CCDC134: variants seen among roughly 807,000 people sequenced by gnomAD.
CCDC134 encodes the protein coiled-coil domain-containing protein 134.
In CCDC134, 27 loss-of-function variants were observed where a neutral mutation model predicts 25.6. That is an observed-to-expected ratio of 1.05 (90% CI 0.78 to 1.45). CCDC134 has a LOEUF of 1.45. CCDC134 is among the 40% of genes most tolerant of loss of function. The pLI is 0.00. For synonymous variants in CCDC134, 110 were observed against 115.0 expected, an observed-to-expected ratio of 0.96 and a Z score of 0.28; for missense variants, 261 against 286.7, an observed-to-expected ratio of 0.91 and a Z score of 0.65.
chr22:41,808,597 A>G (rs528436351), intron 1 of CCDC134, among the ~76,000 whole-genome samples: 39 of 152,330 alleles, frequency 2.6e-4, no homozygotes, highest in African/African-American at 9.1e-4. Context: ...GGGCGGGGGC[A>G]GGGCTCCAGC....
At chr22:41,810,745 C>T (rs1457485180) in intron 4 of CCDC134, among the ~76,000 whole-genome samples, 1 of 152,074 alleles carries the variant, frequency 6.6e-6, no homozygotes, top group African/African-American at 2.4e-5. Flanking sequence ...CCGCCCACCT[C>T]GGCCTCCCAA....
intron 6 of CCDC134, among the ~76,000 whole-genome samples, chr22:41,818,985 T>G (rs1378391317): frequency 6.6e-6 from 1 of 152,206 alleles, no homozygotes; most frequent in African/African-American, 2.4e-5. Flanking sequence ...GGTGCCAGGA[T>G]AAGTTGAGTC....
At position 41,808,980 on chromosome 22, in the gene CCDC134, A is replaced by C; in HGVS notation, c.90A>C (p.Pro30=). ...GCACCTTGAGGACCTCCCTGGACCC[A>C]AGCCTGGAGATCTGTATCCTTTGGG... is the stretch of plus-strand genomic sequence containing the variant. ...ATGTLRTSLD[P]SLEIYKKMFE... is the part of the protein sequence containing the mutation. Residue 30 remains proline (P), a synonymous_variant, in exon 2 of 7, where the codon CCA becomes CCC. Transcript: ENST00000255784. The C allele has an allele frequency of 6.2e-7, 1 of 1,613,534 alleles. No individual in the cohort carries two copies. Among genetic ancestry groups the C allele is most frequent in the Non-Finnish European group, 8.5e-7 (1 of 1,179,494 alleles).
rs188899906 is a variant in CCDC134, at chr22:41,822,833, G to T, written c.565-2865G>T. Among the ~76,000 whole-genome samples, 3 of 152,360 alleles carry T rather than the reference G, an allele frequency of 2.0e-5. No individual in the cohort carries two copies. The East Asian group carries it at 5.8e-4, about 29-fold the overall frequency. ...TGTGCAGCCTGCAAGGCTAGTCCTA[G>T]TTGGGCCTACCACATGCTATGTGAC... On this transcript the variant is annotated intron_variant, in intron 6 of 6. Coordinates refer to ENST00000255784, the MANE Select transcript of CCDC134 (RefSeq NM_024821.5).
Position 41,829,548 on chromosome 22 carries a change from T to C in CCDC134, c.*3725T>C, listed in dbSNP as rs748876813. Among the ~76,000 whole-genome samples, 3 of 152,130 alleles carry C rather than the reference T, an allele frequency of 2.0e-5. No homozygotes were observed. The highest frequency in any genetic ancestry group is 4.4e-5 in the Non-Finnish European group (3 of 68,034). On this transcript the variant is annotated 3_prime_UTR_variant, in exon 7 of 7. Transcript: ENST00000255784. ...GAGTACATGCTTTTGGTTAATCCAA[T>C]TGGAAGGCTTCCTAGAGGAAGTAAT... is the stretch of plus-strand genomic sequence containing the variant.
intron 6 of CCDC134, among the ~76,000 whole-genome samples, chr22:41,818,429 G>A (rs895727815): frequency 2.0e-5 from 3 of 152,224 alleles, no homozygotes; most frequent in Admixed American, 1.3e-4. Context: ...AGCAGTTAAG[G>A]TGGTGGGGAC....
Position 41,826,922 on chromosome 22 carries a change from C to T in CCDC134, c.*1099C>T, listed in dbSNP as rs977015120. On this transcript the variant is annotated 3_prime_UTR_variant, in exon 7 of 7. Transcript: ENST00000255784. ...CAGAGAAAACCATCCCAGATCCCCT[C>T]GACACCCAGCCCCCTACCACTGACA... is the stretch of plus-strand genomic sequence containing the variant. Among the ~76,000 whole-genome samples the T allele has an allele frequency of 2.0e-5, 3 of 152,228 alleles. No individual in the cohort carries two copies. The highest frequency in any genetic ancestry group is 2.1e-4 in the South Asian group (1 of 4,834).
At position 41,828,090 on chromosome 22, in the gene CCDC134, T is replaced by A. The variant is rs2076688089; in HGVS notation, c.*2267T>A. Among the ~76,000 whole-genome samples, 1 of 152,230 alleles carries A rather than the reference T, an allele frequency of 6.6e-6. No individual in the cohort carries two copies. Among genetic ancestry groups the A allele is most frequent in the African/African-American group, 2.4e-5 (1 of 41,454 alleles). Reference sequence around the variant, plus strand: ...CTGGAGGTTCTTTCTACTGAATAACTTCTACGGGCTCTGTCATTAGCAGGA... The same window carrying A: ...CTGGAGGTTCTTTCTACTGAATAACATCTACGGGCTCTGTCATTAGCAGGA... On this transcript the variant is annotated 3_prime_UTR_variant, in exon 7 of 7. Transcript: ENST00000255784.
rs1374244969 is a variant in CCDC134 at position 41,813,756 on chromosome 22, C to A, written c.498C>A (p.Ala166=). The A allele has an allele frequency of 9.9e-6, 16 of 1,614,098 alleles. No individual in the cohort carries two copies. Among genetic ancestry groups the A allele is most frequent in the Non-Finnish European group, 1.4e-5 (16 of 1,179,932 alleles). ...TAGTGTTTCTTCATCTGCAGATGGCCCAGGAGCTGGGGATCAGTGAGAAAG... is the reference window on the plus strand; with the variant it reads ...TAGTGTTTCTTCATCTGCAGATGGCACAGGAGCTGGGGATCAGTGAGAAAG... ...GPHSPILSLM[A]QELGISEKDS... is the part of the protein sequence containing the mutation. The change falls in exon 6 of 7, where the codon GCC becomes GCA. Residue 166 remains alanine, a synonymous_variant. Transcript: ENST00000255784.
rs1357711971 is a variant in CCDC134, at chr22:41,827,447, T to C, written c.*1624T>C. Among the ~76,000 whole-genome samples the C allele has an allele frequency of 6.6e-6, 1 of 152,104 alleles. No homozygotes were observed. The highest frequency in any genetic ancestry group is 1.9e-4 in the East Asian group (1 of 5,198). ...GAGGGTGTCCAGGTTCTTGATGTCTTGAACAAAGAATTGGGCAAAATGCAC... is the reference window on the plus strand; with the variant it reads ...GAGGGTGTCCAGGTTCTTGATGTCTCGAACAAAGAATTGGGCAAAATGCAC... On this transcript the variant is annotated 3_prime_UTR_variant, in exon 7 of 7. Transcript: ENST00000255784.
At chr22:41,817,862 C>A (rs980897250) in intron 6 of CCDC134, among the ~76,000 whole-genome samples, 1 of 152,144 alleles carries the variant, frequency 6.6e-6, no homozygotes, top group African/African-American at 2.4e-5. Context: ...ACATGCATGG[C>A]TGTTAGGAAG....
At chr22:41,801,116 G>C (rs1419725696) in intron 1 of CCDC134, among the ~76,000 whole-genome samples, 1 of 152,210 alleles carries the variant, frequency 6.6e-6, no homozygotes, top group Non-Finnish European at 1.5e-5. Flanking sequence ...TGTCCCGCAG[G>C]CTGCTGTTCT....
intron 1 of CCDC134, among the ~76,000 whole-genome samples, chr22:41,805,479 A>G (rs558147181): frequency 6.6e-6 from 1 of 152,372 alleles, no homozygotes; most frequent in African/African-American, 2.4e-5. Flanking sequence ...CAAATTTTAG[A>G]TGGGTTAAAT....
intron 6 of CCDC134, among the ~76,000 whole-genome samples, chr22:41,818,310 G>T (rs2076632408): frequency 6.6e-6 from 1 of 152,164 alleles, no homozygotes; most frequent in Non-Finnish European, 1.5e-5. Flanking sequence ...TAGTCATGTG[G>T]GTACTTTTTG....
chr22:41,810,073 C>G, intron 3 of CCDC134, 73 bp downstream of exon 3: 1 of 1,603,840 alleles, frequency 6.2e-7, no homozygotes, highest in Non-Finnish European at 8.5e-7. Flanking sequence ...AACAGGAGTT[C>G]CCTAACGGGT....
At chr22:41,814,166 T>C (rs2076611632) in intron 6 of CCDC134, among the ~76,000 whole-genome samples, 1 of 152,224 alleles carries the variant, frequency 6.6e-6, no homozygotes, top group Admixed American at 6.5e-5. Flanking sequence ...TTTGAACCTC[T>C]GAGCACCAAC....
chr22:41,807,582 C>G (rs1434626064), intron 1 of CCDC134, among the ~76,000 whole-genome samples: 1 of 141,796 alleles, frequency 7.1e-6, no homozygotes, highest in East Asian at 2.1e-4. Flanking sequence ...AAAAAAATTA[C>G]AGGAACTAAC....
In CCDC134 at chr22:41,830,608, A is replaced by G. The variant is rs557687687; in HGVS notation, c.*4785A>G. 1.3e-5 allele frequency among the ~76,000 whole-genome samples: 2 copies of G among 152,282 alleles called. No homozygotes were observed. The highest frequency in any genetic ancestry group is 4.8e-5 in the African/African-American group (2 of 41,550). ...TCAGGGTGAGACTGGTGTATTCTAT[A>G]CCAGCCTCCCTGTGTGTGAACAATG... On this transcript the variant is annotated 3_prime_UTR_variant, in exon 7 of 7. Transcript: ENST00000255784.
At chr22:41,802,846 A>G (rs2076550350) in intron 1 of CCDC134, among the ~76,000 whole-genome samples, 1 of 151,158 alleles carries the variant, frequency 6.6e-6, no homozygotes, top group African/African-American at 2.4e-5. Flanking sequence ...CCCAGGAGGC[A>G]GAGCTTGCAG....
Sources: allele counts gnomAD v4.1 joint callset (sites outside exome capture counted in the v4.1 genomes callset), GRCh38; gene constraint gnomAD v4.1.1; transcripts MANE v1.5; gene names NCBI Gene and HGNC (gene_info 2026-07-23, HGNC 2026-07-21).